The following DLGAP2 variants were observed in gnomAD, a reference collection of about 807,000 sequenced individuals.
DLGAP2 encodes the protein DLG associated protein 2, also known as disks large-associated protein 2.
A neutral mutation model predicts 100.3 loss-of-function variants in DLGAP2; 26 were observed. The observed-to-expected ratio is 0.26, with a 90% CI of 0.19 to 0.36. The LOEUF is 0.36. DLGAP2 is among the 10% of genes least tolerant of loss of function. DLGAP2 has a pLI of 1.00. For synonymous variants in DLGAP2, 886 were observed against 630.1 expected, an observed-to-expected ratio of 1.41 and a Z score of -6.08; for missense variants, 1,858 against 1,453.2, an observed-to-expected ratio of 1.28 and a Z score of -4.53.
intron 3 of DLGAP2, among the ~76,000 whole-genome samples, chr8:1,470,179 T>A (rs1026897530): frequency 6.6e-6 from 1 of 151,678 alleles, no homozygotes; most frequent in Non-Finnish European, 1.5e-5. Context: ...AAGCCTCAGT[T>A]GTGGCTGCTG....
At chr8:1,261,853 T>A (rs1454846023) in intron 3 of DLGAP2, among the ~76,000 whole-genome samples, 3 of 152,248 alleles carry the variant, frequency 2.0e-5, no homozygotes, top group Admixed American at 1.3e-4. Context: ...GGTAATTTCT[T>A]CAGCAGCTTC....
intron 3 of DLGAP2, among the ~76,000 whole-genome samples, chr8:1,377,523 G>A (rs772968389): frequency 2.6e-5 from 4 of 152,110 alleles, no homozygotes; most frequent in Admixed American, 6.5e-5. Flanking sequence ...CAGCCCGGGC[G>A]ATAGAGCGAG....
At chr8:1,382,639 G>A (rs1330009278) in intron 3 of DLGAP2, among the ~76,000 whole-genome samples, 2 of 152,178 alleles carry the variant, frequency 1.3e-5, no homozygotes, top group African/African-American at 2.4e-5. Context: ...CTACTTTGCA[G>A]GCTGAGGTGG....
chr8:1,255,854 T>C lies in DLGAP2; in HGVS notation c.74-2997T>C, dbSNP rs865872129. 2.8e-3 allele frequency among the ~76,000 whole-genome samples: 316 copies of C among 113,170 alleles called. 2 individuals carry two copies. The highest frequency in any genetic ancestry group is 0.014 in the African/African-American group (290 of 20,262). The allele number at this position is 113,170 out of a possible 152,430, so 74.2% of individuals were successfully genotyped here. ...TGCTGTGTGTGTGTCCTCTCCTGCC[T>C]GGGTGCCGTGTGTGTGTCCTCTCAT... is the stretch of plus-strand genomic sequence containing the variant. On this transcript the variant is annotated intron_variant, in intron 2 of 14. Transcript: ENST00000637795.
chr8:1,173,060 G>A (rs1484443052), intron 2 of DLGAP2, among the ~76,000 whole-genome samples: 2 of 152,196 alleles, frequency 1.3e-5, no homozygotes, highest in African/African-American at 2.4e-5. Context: ...TGGGTTTTTG[G>A]TGTGGATGTC....
chr8:1,210,401 G>A (rs537081368), intron 2 of DLGAP2, among the ~76,000 whole-genome samples: 1 of 152,232 alleles, frequency 6.6e-6, no homozygotes, highest in Non-Finnish European at 1.5e-5. Flanking sequence ...AACTTGAGAT[G>A]TCTTGAGGGC....
chr8:1,565,532 T>C, intron 5 of DLGAP2, 151 bp from the exon 6 acceptor site: 1 of 626,010 alleles, frequency 1.6e-6, no homozygotes, highest in Non-Finnish European at 2.7e-6. Flanking sequence ...CCTTTTAGGA[T>C]ATGCATTTTT....
intron 3 of DLGAP2, among the ~76,000 whole-genome samples, chr8:1,436,386 C>T (rs557933027): frequency 6.6e-6 from 1 of 152,300 alleles, no homozygotes; most frequent in African/African-American, 2.4e-5. Flanking sequence ...CAGTCCAGTC[C>T]TTCCACCTTC....
intron 2 of DLGAP2, among the ~76,000 whole-genome samples, chr8:1,051,915 C>T (rs1279694108): frequency 2.0e-5 from 3 of 152,144 alleles, no homozygotes; most frequent in Non-Finnish European, 4.4e-5. Flanking sequence ...TTCATGAGAG[C>T]AAATGAGCTT....
intron 2 of DLGAP2, among the ~76,000 whole-genome samples, chr8:935,712 C>T (rs1563102578): frequency 1.3e-5 from 2 of 152,134 alleles, no homozygotes; most frequent in Non-Finnish European, 2.9e-5. Context: ...CTCTACACCC[C>T]AGCAGCCCAG....
At chr8:1,679,382 G>A (rs1221188575) in intron 12 of DLGAP2, among the ~76,000 whole-genome samples, 1 of 98,434 alleles carries the variant, frequency 1.0e-5, no homozygotes, top group Non-Finnish European at 2.0e-5. Context: ...TCCTCTACGG[G>A]AGTCACCACC....
At chr8:1,025,159 C>T (rs1056237601) in intron 2 of DLGAP2, among the ~76,000 whole-genome samples, 3 of 151,882 alleles carry the variant, frequency 2.0e-5, no homozygotes, top group Non-Finnish European at 2.9e-5. Flanking sequence ...TGTGTGCGCA[C>T]GTGTGTGTGT....
chr8:1,568,544 G>A (rs1264179720), intron 6 of DLGAP2, among the ~76,000 whole-genome samples: 3 of 120,250 alleles, frequency 2.5e-5, no homozygotes, highest in Non-Finnish European at 3.4e-5. Context: ...CACTCTGCCC[G>A]TGGCCCCCAT....
At chr8:1,564,367 T>G (rs116014906) in intron 5 of DLGAP2, among the ~76,000 whole-genome samples, 1 of 152,322 alleles carries the variant, frequency 6.6e-6, no homozygotes, top group African/African-American at 2.4e-5. Context: ...TGGCCTGCAC[T>G]GTCATCTTCA....
intron 3 of DLGAP2, among the ~76,000 whole-genome samples, chr8:1,374,682 C>G (rs113746021): frequency 3.4e-4 from 51 of 151,170 alleles, no homozygotes; most frequent in African/African-American, 1.1e-3. Context: ...CGTTTGGATT[C>G]TGTAATTATT....
chr8:1,613,590 A>C (rs7819115), intron 6 of DLGAP2, among the ~76,000 whole-genome samples: 54,188 of 151,926 alleles, frequency 0.36, 12,445 homozygotes, highest in African/African-American at 0.66. Context: ...ACTGAAATTT[A>C]TGCACTGCGC....
At chr8:1,021,824 G>A (rs189838106) in intron 2 of DLGAP2, among the ~76,000 whole-genome samples, 55 of 152,264 alleles carry the variant, frequency 3.6e-4, no homozygotes, top group African/African-American at 1.3e-3. Flanking sequence ...AGTGGTGGGA[G>A]GAGGCAGGCA....
At chr8:1,094,758 A>G (rs905726779) in intron 2 of DLGAP2, among the ~76,000 whole-genome samples, 2 of 152,230 alleles carry the variant, frequency 1.3e-5, no homozygotes, top group Non-Finnish European at 2.9e-5. Flanking sequence ...ACCCAGCCGC[A>G]GGTTCTTCTC....
At chr8:1,150,425 T>A (rs1176887679) in intron 2 of DLGAP2, among the ~76,000 whole-genome samples, 1 of 152,240 alleles carries the variant, frequency 6.6e-6, no homozygotes, top group African/African-American at 2.4e-5. Context: ...TACCCTGCTG[T>A]CCTAGGCATG....
Sources: allele counts gnomAD v4.1 joint callset (sites outside exome capture counted in the v4.1 genomes callset), GRCh38; gene constraint gnomAD v4.1.1; transcripts MANE v1.5; gene names NCBI Gene and HGNC (gene_info 2026-07-23, HGNC 2026-07-21).